MEP1A: variants seen among roughly 807,000 people sequenced by gnomAD.
MEP1A encodes the protein meprin A subunit alpha.
MEP1A carries 68 observed loss-of-function variants against 84.5 expected under a neutral mutation model. That is an observed-to-expected ratio of 0.80 (90% CI 0.66 to 0.98). The LOEUF is 0.98. Ranked by LOEUF, MEP1A falls within the 50% of genes least tolerant of loss-of-function variation. The pLI is 0.00. For missense variants in MEP1A, 887 were observed against 919.9 expected, an observed-to-expected ratio of 0.96 and a Z score of 0.46; for synonymous variants, 337 against 336.8, an observed-to-expected ratio of 1.00 and a Z score of -0.01.
intron 7 of MEP1A, among the ~76,000 whole-genome samples, chr6:46,822,143 G>C (rs770018364): frequency 3.9e-5 from 6 of 152,118 alleles, no homozygotes; most frequent in African/African-American, 1.4e-4. Flanking sequence ...TAGTCCATGG[G>C]CCATATCTAC....
rs371683663 is a variant in MEP1A at position 46,831,126 on chromosome 6, T to G, written c.1144+1555T>G. On this transcript the variant is annotated intron_variant, in intron 10 of 13. Transcript: ENST00000230588. ...CCCTGGGAACACTGTATGAAAGGTT[T>G]TTTTAAGTAGTCTGTTCTGATACTG... is the stretch of plus-strand genomic sequence containing the variant. 8.5e-5 allele frequency among the ~76,000 whole-genome samples: 13 copies of G among 152,342 alleles called. No homozygotes were observed. The East Asian group carries it at 9.6e-4, about 11-fold the overall frequency.
In MEP1A at chr6:46,809,584, G is replaced by A. The variant is rs371667812; in HGVS notation, c.380+47G>A. 143 of 1,282,202 alleles carry A rather than the reference G, an allele frequency of 1.1e-4. 1 individual carries two copies. The highest frequency in any genetic ancestry group is 3.8e-4 in the Middle Eastern group (2 of 5,320). The allele number at this position is 1,282,202 out of a possible 1,614,324, so 79.4% of individuals were successfully genotyped here. A position where few individuals can be genotyped will look rare whatever the true frequency, so the allele number is the denominator to read the frequency against. On this transcript the variant is annotated intron_variant, in intron 6 of 13. Coordinates refer to ENST00000230588, the MANE Select transcript of MEP1A (RefSeq NM_005588.3). ...GTGAAAATCATGCATACTTTGGTTC[G>A]TAAGAAGTATTCTTTCCCCGAGTCC...
chr6:46,804,174 TC>T (rs2150742003), intron 5 of MEP1A, among the ~76,000 whole-genome samples: 1 of 151,826 alleles, frequency 6.6e-6, no homozygotes, highest in Non-Finnish European at 1.5e-5. Context: ...CTGAAGAACT[TC>T]CTTTAGCACT....
At chr6:46,820,060 T>C (rs1238992107) in intron 7 of MEP1A, among the ~76,000 whole-genome samples, 2 of 152,260 alleles carry the variant, frequency 1.3e-5, no homozygotes, top group Non-Finnish European at 2.9e-5. Context: ...TGAAATCTCC[T>C]GTGCCTCTAG....
intron 13 of MEP1A, among the ~76,000 whole-genome samples, chr6:46,838,472 A>T (rs946685714): frequency 6.6e-6 from 1 of 152,214 alleles, no homozygotes; most frequent in Non-Finnish European, 1.5e-5. Flanking sequence ...ACCTCGTGAG[A>T]TAGTGACAGT....
At chr6:46,841,240 T>C (rs1768326207), downstream of MEP1A, among the ~76,000 whole-genome samples, 1 of 152,206 alleles carries the variant, frequency 6.6e-6, no homozygotes, top group African/African-American at 2.4e-5. Flanking sequence ...CATTTTGATA[T>C]TTATTTCTCT....
chr6:46,816,246 C>T (rs1004415090), intron 6 of MEP1A, among the ~76,000 whole-genome samples: 2 of 152,062 alleles, frequency 1.3e-5, no homozygotes, highest in Non-Finnish European at 2.9e-5. Context: ...CATGAGCCAC[C>T]GCGCCCGGCC....
chr6:46,832,233 G>A (rs1335499656), intron 10 of MEP1A, among the ~76,000 whole-genome samples: 1 of 152,152 alleles, frequency 6.6e-6, no homozygotes, highest in South Asian at 2.1e-4. Context: ...GGAATACCCT[G>A]TGCAAAAATA....
intron 3 of MEP1A, among the ~76,000 whole-genome samples, chr6:46,795,959 T>C (rs532218422): frequency 6.6e-6 from 1 of 152,262 alleles, no homozygotes; most frequent in South Asian, 2.1e-4. Context: ...AGAATTAGCA[T>C]CTTCATTTTG....
Position 46,829,579 on chromosome 6 carries a change from G to A in MEP1A, c.1144+8G>A, listed in dbSNP as rs1768032315. 1.9e-6 allele frequency: 3 copies of A among 1,608,180 alleles called. No individual in the cohort carries two copies. Among genetic ancestry groups the A allele is most frequent in the Admixed American group, 3.3e-5 (2 of 59,982 alleles). On this transcript the variant is annotated splice_region_variant and intron_variant, in intron 10 of 13. Transcript: ENST00000230588. ...AGGTGCAGACTTTTCAAGGTACTTAGAGGCATTCACACGAGGAATGGATTG... is the reference window on the plus strand; with the variant it reads ...AGGTGCAGACTTTTCAAGGTACTTAAAGGCATTCACACGAGGAATGGATTG...
intron 8 of MEP1A, 149 bp from the exon 9 acceptor site, chr6:46,826,205 A>G (rs1767941284): frequency 1.3e-5 from 8 of 614,722 alleles, no homozygotes; most frequent in Admixed American, 3.4e-5. Context: ...AGATCTGATG[A>G]CAGTAAGATT....
intron 3 of MEP1A, among the ~76,000 whole-genome samples, chr6:46,797,772 TTTTC>T (rs372845920): frequency 9.3e-5 from 14 of 149,900 alleles, no homozygotes; most frequent in Non-Finnish European, 1.3e-4. Flanking sequence ...CTTTCTTTCT[TTTTC>T]TTTCTTTCTT....
chr6:46,823,771 A>G (rs528577731), intron 7 of MEP1A, among the ~76,000 whole-genome samples: 129 of 152,330 alleles, frequency 8.5e-4, no homozygotes, highest in Middle Eastern at 6.8e-3. Flanking sequence ...AAACCTTTCC[A>G]TTAATGCAGC....
chr6:46,800,988 G>A (rs985224897), intron 5 of MEP1A, among the ~76,000 whole-genome samples: 1 of 152,102 alleles, frequency 6.6e-6, no homozygotes, highest in Non-Finnish European at 1.5e-5. Context: ...TAGATCAACA[G>A]TAAATTCTTT....
At chr6:46,818,174 C>T (rs935458729) in intron 6 of MEP1A, among the ~76,000 whole-genome samples, 1 of 152,122 alleles carries the variant, frequency 6.6e-6, no homozygotes, top group Admixed American at 6.5e-5. Flanking sequence ...TTGCATAACA[C>T]TGTAAATTTA....
At chr6:46,797,774 T>TTCTTTCTTTCTTTCTTTC (rs1174283565) in intron 3 of MEP1A, among the ~76,000 whole-genome samples, 16 of 140,814 alleles carry the variant, frequency 1.1e-4, no homozygotes, top group African/African-American at 4.0e-4. Flanking sequence ...TTCTTTCTTT[T>TTCTTTCTTTCTTTCTTTC]TCTTTCTTTC....
downstream of MEP1A, among the ~76,000 whole-genome samples, chr6:46,840,273 C>A (rs886525337): frequency 2.6e-5 from 4 of 152,096 alleles, no homozygotes; most frequent in African/African-American, 9.7e-5. Context: ...AAAACAGCAC[C>A]CCTGAGGGCA....
At position 46,817,206 on chromosome 6, in the gene MEP1A, G is replaced by A. The variant is rs150447148; in HGVS notation, c.381-2323G>A. On this transcript the variant is annotated intron_variant, in intron 6 of 13. Transcript: ENST00000230588. The stretch of plus-strand genomic sequence containing the variant: ...GTTAGTGGGAGGAGGGGTTAGGAAA[G>A]GAGAGGAGTCAAAAGTATCTGAGAT... 5.9e-3 allele frequency among the ~76,000 whole-genome samples: 896 copies of A among 152,296 alleles called. 9 individuals are homozygous for A. The highest frequency in any genetic ancestry group is 6.8e-3 in the Middle Eastern group (2 of 294).
rs373762388 is a variant in MEP1A at position 46,835,343 on chromosome 6, C to T, written c.1878C>T (p.Ser626=). 97 of 1,610,060 alleles carry T rather than the reference C, an allele frequency of 6.0e-5. No individual in the cohort carries two copies. Among genetic ancestry groups the T allele is most frequent in the Non-Finnish European group, 7.4e-5 (87 of 1,178,316 alleles). ...TCCAAGGCCAGGAGCAGCAGGTCTCCGAAGAAGGTTCGGGAAAGGCCATGT... is the reference window on the plus strand; with the variant it reads ...TCCAAGGCCAGGAGCAGCAGGTCTCTGAAGAAGGTTCGGGAAAGGCCATGT... The part of the protein sequence containing the change: ...LILQGQEQQV[S]EEGSGKAMLE... The change falls in exon 13 of 14, where the codon TCC becomes TCT. Residue 626 remains serine, a synonymous_variant. Transcript: ENST00000230588.
Sources: allele counts gnomAD v4.1 joint callset (sites outside exome capture counted in the v4.1 genomes callset), GRCh38; gene constraint gnomAD v4.1.1; transcripts MANE v1.5; gene names NCBI Gene and HGNC (gene_info 2026-07-23, HGNC 2026-07-21).